The following PPM1G variants were observed in gnomAD, a reference collection of about 807,000 sequenced individuals.
PPM1G encodes protein phosphatase 1G.
Under a neutral mutation model 59.4 loss-of-function variants are expected in PPM1G, and 12 were observed. The ratio of observed to expected loss-of-function variants is 0.20; its 90% confidence interval spans 0.13 to 0.33. The LOEUF is 0.33. Ranked by LOEUF, PPM1G falls within the 10% of genes least tolerant of loss-of-function variation. PPM1G has a pLI of 1.00. For missense variants in PPM1G, 392 were observed against 681.3 expected (o/e 0.58, Z 4.73); for synonymous variants, 245 against 251.9 (o/e 0.97, Z 0.26).
intron 1 of PPM1G, 147 bp downstream of exon 1, chr2:27,409,156 C>T: frequency 8.2e-7 from 1 of 1,221,926 alleles, no homozygotes; most frequent in Non-Finnish European, 1.1e-6. Flanking sequence ...GGCCCTGACC[C>T]CGCGGTCTCT....
rs1683952893 is a variant in PPM1G at position 27,392,990 on chromosome 2, G to A, written c.121-5832C>T. ...TCAGTGGCCAGTTTGTGCAGTTCCA[G>A]TAGTGACTGATTCACATTTTTTTCC... On this transcript the variant is annotated intron_variant, in intron 1 of 9. Transcript: ENST00000344034. The A allele has an allele frequency of 2.0e-6, 3 of 1,519,120 alleles. No individual in the cohort carries two copies. In the East Asian group the frequency reaches 6.7e-5, roughly 34 times the overall value. 94.1% of individuals were successfully genotyped at this position (1,519,120 alleles called of 1,614,324 possible).
At chr2:27,388,182 C>T (rs770208201) in intron 1 of PPM1G, among the ~76,000 whole-genome samples, 17 of 150,666 alleles carry the variant, frequency 1.1e-4, no homozygotes, top group South Asian at 4.2e-4. Context: ...AGGCTAAGGC[C>T]GGCAGATCAT....
At chr2:27,397,762 A>G (rs1684087108) in intron 1 of PPM1G, among the ~76,000 whole-genome samples, 1 of 152,166 alleles carries the variant, frequency 6.6e-6, no homozygotes, top group African/African-American at 2.4e-5. Flanking sequence ...CCAGCTACTA[A>G]GAAGGCTGAG....
intron 1 of PPM1G, among the ~76,000 whole-genome samples, chr2:27,396,504 A>G (rs1298347446): frequency 6.6e-6 from 1 of 151,148 alleles, no homozygotes; most frequent in Non-Finnish European, 1.5e-5. Context: ...ATTAAATACT[A>G]CTCAACTGTA....
At chr2:27,398,979 T>C (rs1351320187) in intron 1 of PPM1G, among the ~76,000 whole-genome samples, 1 of 151,520 alleles carries the variant, frequency 6.6e-6, no homozygotes, top group East Asian at 2.0e-4. Flanking sequence ...ACCCGGTCTC[T>C]ACTAAAAATA....
chr2:27,392,826 G>C (rs1396555574), intron 1 of PPM1G: 11 of 1,488,380 alleles, frequency 7.4e-6, no homozygotes, highest in Non-Finnish European at 1.0e-5. Flanking sequence ...GCTTGTCAAA[G>C]AGGTATTCTG....
chr2:27,392,555 A>G (rs1683940044), intron 1 of PPM1G, among the ~76,000 whole-genome samples: 1 of 139,844 alleles, frequency 7.2e-6, no homozygotes, highest in Admixed American at 7.6e-5. Flanking sequence ...TCAGCCTCCC[A>G]AAGTGCTGAG....
chr2:27,390,026 CTT>C (rs1414414250), intron 1 of PPM1G, among the ~76,000 whole-genome samples: 3 of 121,512 alleles, frequency 2.5e-5, no homozygotes, highest in Admixed American at 8.2e-5. Flanking sequence ...ATTTCAGCAT[CTT>C]GTTTTCTTTT....
chr2:27,395,404 C>A (rs1156619517), intron 1 of PPM1G, among the ~76,000 whole-genome samples: 1 of 151,892 alleles, frequency 6.6e-6, no homozygotes, highest in Non-Finnish European at 1.5e-5. Flanking sequence ...GGTGGTACAC[C>A]TGTAATCCCA....
chr2:27,407,157 G>T (rs150989227), intron 1 of PPM1G, among the ~76,000 whole-genome samples: 5 of 152,014 alleles, frequency 3.3e-5, no homozygotes, highest in African/African-American at 1.2e-4. Context: ...ATAAAGACGG[G>T]GTTTCTTCAT....
Position 27,387,077 on chromosome 2 carries a change from T to C in PPM1G, c.190+12A>G, listed in dbSNP as rs776020064. On this transcript the variant is annotated intron_variant, in intron 2 of 9. Transcript: ENST00000344034. ...GTCCTAGAATGTTACCAATATGATCTGTTAAAGTTACCTCCATGTCCATCG... is the reference window on the plus strand; with the variant it reads ...GTCCTAGAATGTTACCAATATGATCCGTTAAAGTTACCTCCATGTCCATCG... 10 of 1,596,972 alleles carry C rather than the reference T, an allele frequency of 6.3e-6. No individual in the cohort carries two copies. The African/African-American group carries it at 9.4e-5, about 15-fold the overall frequency.
chr2:27,409,279 GCCTATGGGCCCCTGCCT>G lies in PPM1G; in HGVS notation c.120+7_120+23del. The G allele has an allele frequency of 6.4e-7, 1 of 1,552,170 alleles. No homozygotes were observed. The highest frequency in any genetic ancestry group is 1.2e-5 in the South Asian group (1 of 84,702). ...TCAGATTCCCGCCCCGCAGCGGCCA[GCCTATGGGCCCCTGCCT>G]CCTCACCTCCATGGAGACGCGCCAG... On this transcript the variant is annotated splice_region_variant and intron_variant, in intron 1 of 9. Coordinates refer to ENST00000344034, the MANE Select transcript of PPM1G (RefSeq NM_177983.3).
In PPM1G at chr2:27,385,502, A is replaced by G; in HGVS notation, c.409+245T>C. The G allele has an allele frequency of 2.0e-6, 1 of 496,330 alleles. No homozygotes were observed. Among genetic ancestry groups the G allele is most frequent in the African/African-American group, 2.0e-5 (1 of 51,158 alleles). 30.7% of individuals were successfully genotyped at this position (496,330 alleles called of 1,614,324 possible). The stretch of plus-strand genomic sequence containing the variant: ...ACATAAATACTAGCAGGAACCAGGA[A>G]GACCCCATCACAATGACAAAAGATA... On this transcript the variant is annotated intron_variant, in intron 4 of 9. Coordinates refer to ENST00000344034, the MANE Select transcript of PPM1G (RefSeq NM_177983.3). This position sits in a 1 kb window ranked among gnomAD's most constrained non-coding sequence, Gnocchi z 4.1.
At chr2:27,408,018 G>A (rs559170853) in intron 1 of PPM1G, among the ~76,000 whole-genome samples, 1 of 151,374 alleles carries the variant, frequency 6.6e-6, no homozygotes, top group African/African-American at 2.4e-5. Context: ...TTGCATTCCA[G>A]CCTGGGCAAC....
intron 1 of PPM1G, among the ~76,000 whole-genome samples, chr2:27,399,823 G>A (rs1374419581): frequency 6.6e-6 from 1 of 151,924 alleles, no homozygotes; most frequent in Non-Finnish European, 1.5e-5. Context: ...CAGTTTAGCA[G>A]TTTCTCAAAA....
intron 1 of PPM1G, among the ~76,000 whole-genome samples, chr2:27,402,853 TAAAA>T (rs1558322007): frequency 1.7e-5 from 2 of 119,744 alleles, no homozygotes; most frequent in Non-Finnish European, 3.5e-5. Context: ...AATAAATAAA[TAAAA>T]TAAACATAAA....
intron 2 of PPM1G, 80 bp downstream of exon 2, chr2:27,387,008 TG>T: frequency 1.8e-6 from 2 of 1,114,112 alleles, no homozygotes; most frequent in South Asian, 2.5e-5. Flanking sequence ...GGAAAGTAAA[TG>T]AACAAAGGGA....
intron 1 of PPM1G, among the ~76,000 whole-genome samples, chr2:27,394,297 C>T (rs1223558243): frequency 2.0e-5 from 3 of 152,200 alleles, no homozygotes; most frequent in African/African-American, 4.8e-5. Flanking sequence ...CTTTCATCTT[C>T]AGGAAACACA....
intron 1 of PPM1G, among the ~76,000 whole-genome samples, chr2:27,404,578 T>C (rs992545520): frequency 6.6e-6 from 1 of 151,322 alleles, no homozygotes; most frequent in Non-Finnish European, 1.5e-5. Flanking sequence ...TAACTCTCCA[T>C]AGAAAGCAGT....
Sources: gnomAD v4.1 joint callset for allele counts (sites outside exome capture counted in the v4.1 genomes callset) on GRCh38, gnomAD v4.1.1 for gene constraint, Gnocchi (gnomAD v3.1) non-coding constraint, MANE v1.5 for transcripts, NCBI Gene and HGNC (gene_info 2026-07-23, HGNC 2026-07-21) for gene names.